CEMIP: variants seen among roughly 807,000 people sequenced by gnomAD.
CEMIP encodes the protein cell migration inducing hyaluronidase 1.
A neutral mutation model predicts 156.9 loss-of-function variants in CEMIP; 105 were observed. The ratio of observed to expected loss-of-function variants is 0.67; its 90% confidence interval spans 0.57 to 0.79. The LOEUF is 0.79. CEMIP is among the 30% of genes least tolerant of loss of function. The pLI, the probability that CEMIP is intolerant of heterozygous loss-of-function variation, is 0.00. For missense variants in CEMIP, 1,457 were observed against 1,769.4 expected, an observed-to-expected ratio of 0.82 and a Z score of 3.17; for synonymous variants, 676 against 668.4, an observed-to-expected ratio of 1.01 and a Z score of -0.17.
At chr15:80,920,593 G>C (rs563360907) in intron 15 of CEMIP, among the ~76,000 whole-genome samples, 1 of 152,194 alleles carries the variant, frequency 6.6e-6, no homozygotes, top group Non-Finnish European at 1.5e-5. Flanking sequence ...TTTGATGAGA[G>C]GAAGTGGCTG....
At chr15:80,927,265 G>A (rs750440184) in intron 19 of CEMIP, among the ~76,000 whole-genome samples, 1 of 152,200 alleles carries the variant, frequency 6.6e-6, no homozygotes, top group Non-Finnish European at 1.5e-5. Flanking sequence ...GGCTCTAGAA[G>A]GCAGAAGTGA....
intron 1 of CEMIP, among the ~76,000 whole-genome samples, chr15:80,849,439 G>A (rs114559329): frequency 0.017 from 2,586 of 152,238 alleles, 81 homozygotes; most frequent in African/African-American, 0.06. Flanking sequence ...TTGCCTTGGC[G>A]AGGAGCCTAC....
intron 14 of CEMIP, among the ~76,000 whole-genome samples, chr15:80,912,210 G>C (rs1900097203): frequency 6.6e-6 from 1 of 152,226 alleles, no homozygotes; most frequent in African/African-American, 2.4e-5. Context: ...CGTGGGGCAA[G>C]AGGGAAGGCA....
chr15:80,878,682 T>C (rs1443798261), intron 3 of CEMIP, 39 bp from the exon 4 acceptor site: 1 of 1,613,644 alleles, frequency 6.2e-7, no homozygotes, highest in African/African-American at 1.3e-5. Context: ...TTGGTGAGGC[T>C]GGTAGATGGG....
intron 25 of CEMIP, among the ~76,000 whole-genome samples, chr15:80,941,610 C>A (rs115555891): frequency 6.6e-6 from 1 of 152,202 alleles, no homozygotes; most frequent in Non-Finnish European, 1.5e-5. Flanking sequence ...GATGTGTGCA[C>A]GGCGTGGCAC....
chr15:80,866,593 A>AAATG (rs1430001420), intron 1 of CEMIP, among the ~76,000 whole-genome samples: 4 of 8,258 alleles, frequency 4.8e-4, no homozygotes, highest in East Asian at 2.9e-3. Context: ...TCTGTCTTAA[A>AAATG]AATAAATAAA....
intron 1 of CEMIP, among the ~76,000 whole-genome samples, chr15:80,829,582 CT>C: frequency 6.6e-6 from 1 of 152,228 alleles, no homozygotes. Flanking sequence ...ACAAAGGTTT[CT>C]CTGGAGTTTT....
At chr15:80,851,016 ACTCT>A (rs1314984074) in intron 1 of CEMIP, among the ~76,000 whole-genome samples, 8 of 152,036 alleles carry the variant, frequency 5.3e-5, no homozygotes, top group Non-Finnish European at 8.8e-5. Context: ...CTGACTTCAG[ACTCT>A]CTCTATCTCC....
chr15:80,790,689 A>G (rs1896059474), intron 1 of CEMIP, among the ~76,000 whole-genome samples: 1 of 152,188 alleles, frequency 6.6e-6, no homozygotes, highest in South Asian at 2.1e-4. Context: ...TTTTGAAAAA[A>G]CATGTTGAGG....
At chr15:80,897,349 C>T (rs530946918) in intron 12 of CEMIP, 96 of 455,966 alleles carry the variant, frequency 2.1e-4, no homozygotes, top group Middle Eastern at 1.6e-3. Context: ...TCTGTGGAGG[C>T]AAAGTTTAAA....
At chr15:80,783,851 A>G (rs145975482) in intron 1 of CEMIP, among the ~76,000 whole-genome samples, 81 of 152,228 alleles carry the variant, frequency 5.3e-4, no homozygotes, top group African/African-American at 2.0e-3. Flanking sequence ...CATCAAATAT[A>G]CATTTGCTGT....
At chr15:80,801,042 C>T (rs1896362844) in intron 1 of CEMIP, among the ~76,000 whole-genome samples, 1 of 152,236 alleles carries the variant, frequency 6.6e-6, no homozygotes, top group African/African-American at 2.4e-5. Context: ...TTCTTGCCAT[C>T]TTGCTGCTGT....
chr15:80,941,785 G>A, intron 25 of CEMIP, 64 bp from the exon 26 acceptor site: 1 of 1,450,352 alleles, frequency 6.9e-7, no homozygotes, highest in South Asian at 1.2e-5. Context: ...GTCTCGGTGG[G>A]TGGGAGGAGA....
chr15:80,926,427 G>T (rs756221382), intron 19 of CEMIP, among the ~76,000 whole-genome samples: 3 of 152,150 alleles, frequency 2.0e-5, no homozygotes, highest in Non-Finnish European at 4.4e-5. Flanking sequence ...TGTTAAAAAT[G>T]GGAAATCAGA....
At chr15:80,860,324 C>T (rs1739897562) in intron 1 of CEMIP, among the ~76,000 whole-genome samples, 1 of 152,208 alleles carries the variant, frequency 6.6e-6, no homozygotes, top group South Asian at 2.1e-4. Flanking sequence ...GTGTGGCACA[C>T]TTAGCTAGAA....
chr15:80,786,798 G>A (rs1895952272), intron 1 of CEMIP, among the ~76,000 whole-genome samples: 2 of 152,074 alleles, frequency 1.3e-5, no homozygotes, highest in Admixed American at 1.3e-4. Context: ...TTGCAAAAAT[G>A]GGCTTCTTAT....
chr15:80,948,371 T>TAG (rs2141765186), intron 29 of CEMIP: 1 of 311,470 alleles, frequency 3.2e-6, no homozygotes, highest in Non-Finnish European at 6.4e-6. Context: ...CACAGAGTGA[T>TAG]AGAGTGGGGA....
chr15:80,887,676 T>C lies in CEMIP; in HGVS notation c.798-18T>C. 1.9e-6 allele frequency: 3 copies of C among 1,600,930 alleles called. No individual in the cohort carries two copies. The highest frequency in any genetic ancestry group is 1.7e-6 in the Non-Finnish European group (2 of 1,172,676). ...TCGTGCAGAACTTTACTTTTTGTTA[T>C]GTTTTTCTTTTTTTCAGACACCCTT... is the stretch of plus-strand genomic sequence containing the variant. On this transcript the variant is annotated intron_variant, in intron 7 of 29. Coordinates refer to ENST00000394685, the MANE Select transcript of CEMIP (RefSeq NM_001293298.2).
At chr15:80,884,860 T>C (rs1414809489) in intron 7 of CEMIP, among the ~76,000 whole-genome samples, 1 of 152,196 alleles carries the variant, frequency 6.6e-6, no homozygotes, top group Non-Finnish European at 1.5e-5. Flanking sequence ...TGCACACACA[T>C]TGACACTAAG....
Sources: allele counts gnomAD v4.1 joint callset (sites outside exome capture counted in the v4.1 genomes callset), GRCh38; gene constraint gnomAD v4.1.1; transcripts MANE v1.5; gene names NCBI Gene and HGNC (gene_info 2026-07-23, HGNC 2026-07-21).